CSMD2: variants seen among roughly 807,000 people sequenced by gnomAD.
The protein encoded by CSMD2 is CUB and Sushi multiple domains 2.
In CSMD2, 130 loss-of-function variants were observed where a neutral mutation model predicts 398.5. The ratio of observed to expected loss-of-function variants is 0.33; its 90% CI spans 0.28 to 0.38. CSMD2 has a LOEUF of 0.38. Ranked by LOEUF, CSMD2 falls within the 10% of genes least tolerant of loss-of-function variation. CSMD2 has a pLI of 1.00. For missense variants in CSMD2, 3,829 were observed against 4,764.9 expected (o/e 0.80, Z 5.78); for synonymous variants, 1,828 against 1,908.5 (o/e 0.96, Z 1.10).
chr1:33,726,215 G>A (rs1229865191), intron 16 of CSMD2, among the ~76,000 whole-genome samples: 3 of 152,132 alleles, frequency 2.0e-5, no homozygotes, highest in Admixed American at 6.5e-5. Flanking sequence ...GAGAATGCTC[G>A]TCAGATACCA....
At chr1:34,077,456 C>CAAAAAAAA (rs34856451) in intron 2 of CSMD2, among the ~76,000 whole-genome samples, 1 of 28,492 alleles carries the variant, frequency 3.5e-5, no homozygotes, top group Non-Finnish European at 6.2e-5. Flanking sequence ...AACTCCGTCT[C>CAAAAAAAA]AAAAAAAAAA....
At chr1:34,052,133 C>A (rs1653246484) in intron 2 of CSMD2, among the ~76,000 whole-genome samples, 1 of 151,054 alleles carries the variant, frequency 6.6e-6, no homozygotes, top group African/African-American at 2.4e-5. Flanking sequence ...TCTTCACAAC[C>A]ATGTGAGCCA....
chr1:33,532,866 G>A (rs1655378012), intron 64 of CSMD2, among the ~76,000 whole-genome samples, 184 bp downstream of exon 64: 1 of 152,252 alleles, frequency 6.6e-6, no homozygotes, highest in Non-Finnish European at 1.5e-5. Flanking sequence ...GGGGTGGGTT[G>A]AGTATGCACC....
At chr1:34,040,190 CAAAAAAAAAATTAAATT>C (rs1651678844) in intron 2 of CSMD2, among the ~76,000 whole-genome samples, 1 of 122,296 alleles carries the variant, frequency 8.2e-6, no homozygotes, top group South Asian at 2.7e-4. Context: ...GATCCTGACT[CAAAAAAAAAATTAAATT>C]AAAAAAAAAA....
chr1:33,952,154 G>A (rs1195745483), intron 3 of CSMD2, among the ~76,000 whole-genome samples: 2 of 152,188 alleles, frequency 1.3e-5, no homozygotes, highest in Non-Finnish European at 2.9e-5. Context: ...AGGCTGTGAT[G>A]ACCCCAAGTA....
chr1:34,121,959 T>C (rs1178673215), intron 1 of CSMD2, among the ~76,000 whole-genome samples: 1 of 151,828 alleles, frequency 6.6e-6, no homozygotes, highest in Non-Finnish European at 1.5e-5. Flanking sequence ...ATAGGGTTAG[T>C]TAACACTCTC....
At chr1:34,094,226 C>A (rs541318617) in intron 1 of CSMD2, among the ~76,000 whole-genome samples, 1 of 151,726 alleles carries the variant, frequency 6.6e-6, no homozygotes, top group South Asian at 2.1e-4. Flanking sequence ...TTTGTCACCA[C>A]CAGGCCTGCC....
chr1:33,794,568 G>A (rs1654714264), intron 10 of CSMD2, among the ~76,000 whole-genome samples: 1 of 152,220 alleles, frequency 6.6e-6, no homozygotes. Context: ...GGCGATAGGA[G>A]AGAAATAGGA....
chr1:33,682,091 G>A (rs1185954789), intron 25 of CSMD2, among the ~76,000 whole-genome samples: 1 of 152,210 alleles, frequency 6.6e-6, no homozygotes, highest in African/African-American at 2.4e-5. Flanking sequence ...CCCTCTGGAA[G>A]CTCCAGAATA....
At chr1:33,657,670 C>T (rs1441999061) in intron 27 of CSMD2, among the ~76,000 whole-genome samples, 1 of 152,110 alleles carries the variant, frequency 6.6e-6, no homozygotes, top group African/African-American at 2.4e-5. Context: ...CAGCCTGGGC[C>T]AGAGAGAAAG....
chr1:34,085,095 C>T (rs1657704229), intron 2 of CSMD2, among the ~76,000 whole-genome samples: 1 of 152,090 alleles, frequency 6.6e-6, no homozygotes, highest in South Asian at 2.1e-4. Context: ...ATGGATGAAG[C>T]TGGAAACCAT....
intron 10 of CSMD2, among the ~76,000 whole-genome samples, chr1:33,802,723 C>A (rs10798992): frequency 0.6 from 91,017 of 151,940 alleles, 27,198 homozygotes; most frequent in South Asian, 0.72. Context: ...GCATCTTTCT[C>A]CCCCTGCTCC....
Position 34,163,391 on chromosome 1 carries a change from A to C in CSMD2, c.187+1520T>G, listed in dbSNP as rs1010562415. Among the ~76,000 whole-genome samples, 7 of 152,168 alleles carry C rather than the reference A, an allele frequency of 4.6e-5. No individual in the cohort carries two copies. Among genetic ancestry groups the C allele is most frequent in the Admixed American group, 1.3e-4 (2 of 15,276 alleles). On this transcript the variant is annotated intron_variant, in intron 1 of 70. Coordinates refer to ENST00000373381, the MANE Select transcript of CSMD2 (RefSeq NM_001281956.2). This position sits in a 1 kb window ranked among gnomAD's most constrained non-coding sequence, Gnocchi z 5.4. ...TGGCTATGACTCTTAGCAGAACCTA[A>C]GAAAGTCCCGTCAGCTAGGAATGAG... is the stretch of plus-strand genomic sequence containing the variant.
intron 5 of CSMD2, among the ~76,000 whole-genome samples, chr1:33,865,321 C>T (rs1639941088): frequency 6.7e-6 from 1 of 148,588 alleles, no homozygotes; most frequent in Non-Finnish European, 1.5e-5. Context: ...TCCAGCAACA[C>T]TTAGATACGC....
chr1:33,923,043 CT>C (rs532400687), intron 4 of CSMD2, among the ~76,000 whole-genome samples: 7 of 151,608 alleles, frequency 4.6e-5, no homozygotes, highest in East Asian at 1.9e-4. Flanking sequence ...AACTCACATA[CT>C]TTTTTTTTGC....
At chr1:33,665,460 C>CTTTTTTTTT (rs745495781) in intron 25 of CSMD2, among the ~76,000 whole-genome samples, 2 of 73,914 alleles carry the variant, frequency 2.7e-5, no homozygotes, top group African/African-American at 1.1e-4. Context: ...TTTCTTCTCT[C>CTTTTTTTTT]TTTTTTTTTT....
chr1:34,021,931 T>TGTC (rs1225014477), intron 3 of CSMD2, among the ~76,000 whole-genome samples: 3 of 152,214 alleles, frequency 2.0e-5, no homozygotes, highest in Non-Finnish European at 2.9e-5. Context: ...AATTAGGATG[T>TGTC]GTCTTATAGT....
rs113913985 is a variant in CSMD2, at chr1:33,974,913, C to T, written c.518-38959G>A. Among the ~76,000 whole-genome samples, 152 of 152,282 alleles carry T rather than the reference C, an allele frequency of 1.0e-3. 1 individual carries two copies. Among genetic ancestry groups the T allele is most frequent in the Non-Finnish European group, 1.1e-3 (75 of 68,028 alleles). ...CTGCACACTTTTCATCTTTGAGTGTCCCTAATAAGGCAAATGAAGAGGGTA... is the reference window on the plus strand; with the variant it reads ...CTGCACACTTTTCATCTTTGAGTGTTCCTAATAAGGCAAATGAAGAGGGTA... On this transcript the variant is annotated intron_variant, in intron 3 of 70. Coordinates refer to ENST00000373381, the MANE Select transcript of CSMD2 (RefSeq NM_001281956.2).
chr1:33,824,628 T>C (rs541289963), intron 7 of CSMD2, among the ~76,000 whole-genome samples: 2 of 152,082 alleles, frequency 1.3e-5, no homozygotes, highest in African/African-American at 2.4e-5. Context: ...CAATAAGTAC[T>C]TCTAGCATCT....
Sources: gnomAD v4.1 joint callset for allele counts (sites outside exome capture counted in the v4.1 genomes callset) on GRCh38, gnomAD v4.1.1 for gene constraint, Gnocchi (gnomAD v3.1) non-coding constraint, MANE v1.5 for transcripts, NCBI Gene and HGNC (gene_info 2026-07-23, HGNC 2026-07-21) for gene names.